Variants in RBBP8 observed in about 807,000 individuals in gnomAD.
RBBP8 encodes DNA endonuclease RBBP8.
Under a neutral mutation model 108.3 loss-of-function variants are expected in RBBP8, and 88 were observed. The observed-to-expected ratio is 0.81, with a 90% confidence interval of 0.68 to 0.97. The LOEUF is 0.97. RBBP8 is among the 50% of genes least tolerant of loss of function. The probability of loss-of-function intolerance (pLI) is 0.00; values close to 1 mark genes in which losing one functional copy is unlikely to be tolerated. For synonymous variants in RBBP8, 332 were observed against 348.2 expected (o/e 0.95, Z 0.52); for missense variants, 1,023 against 1,049.0 (o/e 0.98, Z 0.34).
chr18:23,005,593 A>C (rs1598735336), intron 15 of RBBP8, among the ~76,000 whole-genome samples: 1 of 151,992 alleles, frequency 6.6e-6, no homozygotes, highest in East Asian at 2.0e-4. Flanking sequence ...TTGTATTTTG[A>C]GTAGAGACAG....
chr18:22,993,926 T>C, intron 12 of RBBP8, 79 bp downstream of exon 12: 1 of 1,455,838 alleles, frequency 6.9e-7, no homozygotes, highest in Non-Finnish European at 9.5e-7. Flanking sequence ...TTAAATAGAT[T>C]GAATTGTTTT....
exon 1 of RBBP8, chr18:22,914,269 T>C (rs1909269799): frequency 6.6e-6 from 1 of 152,158 alleles, no homozygotes; most frequent in Non-Finnish European, 1.5e-5. Flanking sequence ...AATTTCTGCT[T>C]TTCACCAAGA....
rs2046001008 is a variant in RBBP8 at position 23,004,282 on chromosome 18, TATACAC to T, written c.2288-2079_2288-2074del. The stretch of plus-strand genomic sequence containing the variant: ...ATAGCTAGATAGGTGTATATATATA[TATACAC>T]ACACACACACATATACATAGACACA... On this transcript the variant is annotated intron_variant, in intron 15 of 18. Transcript: ENST00000327155. Among the ~76,000 whole-genome samples the T allele has an allele frequency of 1.3e-5, 2 of 151,782 alleles. 1 individual carries two copies. Among genetic ancestry groups the T allele is most frequent in the South Asian group, 4.2e-4 (2 of 4,810 alleles).
In RBBP8 at chr18:22,990,926, T is replaced by C. The variant is rs748455630; in HGVS notation, c.808-11T>C. 17 of 1,581,962 alleles carry C rather than the reference T, an allele frequency of 1.1e-5. No homozygotes were observed. In the South Asian group the frequency reaches 1.7e-4, roughly 15 times the overall value. ...CATTACATGGATGTGCTTCATATTT[T>C]ACTCTTGAAGGAAACTCAAGGTCCC... On this transcript the variant is annotated splice_polypyrimidine_tract_variant and intron_variant, in intron 9 of 18. Transcript: ENST00000327155.
chr18:22,975,296 G>A (rs1304976787), intron 6 of RBBP8, 77 bp downstream of exon 6: 15 of 1,552,826 alleles, frequency 9.7e-6, no homozygotes, highest in African/African-American at 1.4e-5. Flanking sequence ...AAGAGTTGCA[G>A]ATTTCATTTT....
At chr18:22,952,206 A>G (rs188318904) in intron 4 of RBBP8, among the ~76,000 whole-genome samples, 1 of 152,186 alleles carries the variant, frequency 6.6e-6, no homozygotes. Context: ...AAGCAGGAGA[A>G]TAACAAAGGG....
intron 16 of RBBP8, among the ~76,000 whole-genome samples, chr18:23,010,962 G>T (rs1362075487): frequency 6.6e-6 from 1 of 152,136 alleles, no homozygotes; most frequent in African/African-American, 2.4e-5. Context: ...AAAGGATATG[G>T]CCAAAATGTG....
chr18:22,957,741 T>A (rs10083912), intron 4 of RBBP8, among the ~76,000 whole-genome samples: 150,619 of 152,308 alleles, frequency 0.99, 74,499 homozygotes, highest in East Asian at 1. Context: ...ATTTTCTTGC[T>A]TCTATTTAAA....
intron 16 of RBBP8, among the ~76,000 whole-genome samples, chr18:23,013,443 C>T (rs921705072): frequency 1.3e-5 from 2 of 152,114 alleles, no homozygotes; most frequent in African/African-American, 4.8e-5. Flanking sequence ...CGCAGGTGAG[C>T]CCACCTGGTC....
chr18:22,964,373 G>GTTTTTTTTTTTTTTT (rs71161350), intron 4 of RBBP8, among the ~76,000 whole-genome samples: 2 of 139,502 alleles, frequency 1.4e-5, no homozygotes, highest in Non-Finnish European at 3.1e-5. Context: ...GGAGACTTAG[G>GTTTTTTTTTTTTTTT]TTTTTTTTTT....
At chr18:22,967,859 G>C (rs1232778069) in intron 4 of RBBP8, among the ~76,000 whole-genome samples, 6 of 151,878 alleles carry the variant, frequency 4.0e-5, no homozygotes. Context: ...GTGATAGCCA[G>C]GGTTGTCTCG....
At chr18:22,946,564 A>C (rs899511198) in intron 3 of RBBP8, 78 bp downstream of exon 3, 2 of 1,577,376 alleles carry the variant, frequency 1.3e-6, no homozygotes, top group Non-Finnish European at 1.7e-6. Context: ...TTCATAGAGT[A>C]GTTGATACTG....
Position 22,995,304 on chromosome 18 carries a change from C to G in RBBP8, c.1940-1070C>G, listed in dbSNP as rs1400180147. On this transcript the variant is annotated intron_variant, in intron 12 of 18. Coordinates refer to ENST00000327155, the MANE Select transcript of RBBP8 (RefSeq NM_002894.3). Reference sequence around the variant, plus strand: ...GGATTACAGTATCTACCTACTTAGCCTTTTACAATCTACTTGGAGTTAATG... The same window carrying G: ...GGATTACAGTATCTACCTACTTAGCGTTTTACAATCTACTTGGAGTTAATG... 2.0e-5 allele frequency among the ~76,000 whole-genome samples: 3 copies of G among 151,842 alleles called. No homozygotes were observed. In the East Asian group the frequency reaches 5.8e-4, roughly 29 times the overall value.
intron 15 of RBBP8, among the ~76,000 whole-genome samples, chr18:23,002,283 C>G (rs188955559): frequency 1.2e-4 from 19 of 152,258 alleles, no homozygotes; most frequent in Middle Eastern, 3.4e-3. Flanking sequence ...TGGCACATAC[C>G]TGTAGTCCCA....
chr18:22,927,967 G>A (rs980596675), intron 3 of RBBP8, among the ~76,000 whole-genome samples: 19 of 151,408 alleles, frequency 1.3e-4, no homozygotes, highest in African/African-American at 4.4e-4. Flanking sequence ...CCAGCACTTT[G>A]GGAGGCCGAG....
chr18:23,026,270 A>G lies in RBBP8; in HGVS notation c.*30A>G, dbSNP rs1233353215. Reference sequence around the variant, plus strand: ...TGAAACAGAAACAGAAGGATGAAGGACAGTTTTTTCCTTCTTAGTTATTTA... The same window carrying G: ...TGAAACAGAAACAGAAGGATGAAGGGCAGTTTTTTCCTTCTTAGTTATTTA... On this transcript the variant is annotated 3_prime_UTR_variant, in exon 19 of 19. Transcript: ENST00000327155. 7.7e-6 allele frequency: 12 copies of G among 1,568,460 alleles called. No homozygotes were observed. Among genetic ancestry groups the G allele is most frequent in the Non-Finnish European group, 1.1e-5 (12 of 1,139,658 alleles).
intron 16 of RBBP8, among the ~76,000 whole-genome samples, chr18:23,012,481 T>C (rs373011901): frequency 5.0e-4 from 76 of 152,298 alleles, no homozygotes; most frequent in Middle Eastern, 3.4e-3. Flanking sequence ...ACTGCTGACA[T>C]GGAGGAAATT....
intron 5 of RBBP8, among the ~76,000 whole-genome samples, chr18:22,973,979 T>A (rs1292948979): frequency 6.6e-6 from 1 of 152,234 alleles, no homozygotes; most frequent in African/African-American, 2.4e-5. Flanking sequence ...TATCTTAATT[T>A]TTTTGGATCC....
chr18:22,946,325 T>TG (rs1911556476), intron 2 of RBBP8, 119 bp from the exon 3 acceptor site: 1 of 1,402,968 alleles, frequency 7.1e-7, no homozygotes, highest in Non-Finnish European at 9.7e-7. Flanking sequence ...GGGCATATAC[T>TG]GTAAACTAAT....
Sources: allele counts gnomAD v4.1 joint callset (sites outside exome capture counted in the v4.1 genomes callset), GRCh38; gene constraint gnomAD v4.1.1; transcripts MANE v1.5; gene names NCBI Gene and HGNC (gene_info 2026-07-23, HGNC 2026-07-21).